STON2: variants seen among roughly 807,000 people sequenced by gnomAD.
STON2 encodes the protein stonin-2.
A neutral mutation model predicts 65.7 loss-of-function variants in STON2; 29 were observed. That is an observed-to-expected ratio of 0.44 (90% CI 0.33 to 0.60). STON2 has a LOEUF of 0.60. STON2 is among the 20% of genes least tolerant of loss of function. The pLI is 0.03. For missense variants in STON2, 1,054 were observed against 1,118.1 expected, an observed-to-expected ratio of 0.94 and a Z score of 0.82; for synonymous variants, 404 against 414.2, an observed-to-expected ratio of 0.98 and a Z score of 0.30.
intron 5 of STON2, among the ~76,000 whole-genome samples, chr14:81,282,028 T>C: frequency 6.6e-6 from 1 of 152,216 alleles, no homozygotes; most frequent in East Asian, 1.9e-4. Context: ...TGTTTTTCTA[T>C]GAAATAATTT....
chr14:81,327,857 A>G (rs1269167671), intron 4 of STON2, among the ~76,000 whole-genome samples: 1 of 152,206 alleles, frequency 6.6e-6, no homozygotes. Context: ...GGAAAACACC[A>G]TTCAGAAACC....
intron 3 of STON2, among the ~76,000 whole-genome samples, chr14:81,387,984 C>CT (rs1375142599): frequency 1.7e-5 from 2 of 119,690 alleles, no homozygotes; most frequent in African/African-American, 6.6e-5. Context: ...GAGTCTCACT[C>CT]TGTCACCCAG....
chr14:81,427,725 A>AG (rs531551380), intron 1 of STON2, among the ~76,000 whole-genome samples: 46 of 151,480 alleles, frequency 3.0e-4, no homozygotes, highest in Admixed American at 1.6e-3. Context: ...GAAAAAAAAA[A>AG]AGAGAGAGAG....
rs541120860 is a variant in STON2, at chr14:81,262,058, G to A, written c.*6356C>T. 2.3e-6 allele frequency: 3 copies of A among 1,307,134 alleles called. No homozygotes were observed. Among genetic ancestry groups the A allele is most frequent in the South Asian group, 2.5e-5 (1 of 40,482 alleles). 81.0% of individuals were successfully genotyped at this position (1,307,134 alleles called of 1,614,324 possible). ...TCTTATAAACATAGGAAGAGTCACTGAAAGGTGGCACCAATGGATATTTTG... is the reference window on the plus strand; with the variant it reads ...TCTTATAAACATAGGAAGAGTCACTAAAAGGTGGCACCAATGGATATTTTG... On this transcript the variant is annotated 3_prime_UTR_variant, in exon 8 of 8. Coordinates refer to ENST00000614646, the MANE Select transcript of STON2 (RefSeq NM_001394390.1).
intron 5 of STON2, among the ~76,000 whole-genome samples, chr14:81,309,732 A>G (rs1287021172): frequency 6.6e-6 from 1 of 152,208 alleles, no homozygotes; most frequent in Non-Finnish European, 1.5e-5. Context: ...AACAGGAACC[A>G]TTCTTTCTGT....
intron 4 of STON2, among the ~76,000 whole-genome samples, chr14:81,324,564 G>T (rs577043827): frequency 6.6e-5 from 10 of 152,194 alleles, no homozygotes; most frequent in Non-Finnish European, 1.5e-4. Context: ...CTGGGGCAGG[G>T]GTCTGGAAGA....
In STON2 at chr14:81,262,342, A is replaced by G; in HGVS notation, c.*6072T>C. On this transcript the variant is annotated 3_prime_UTR_variant, in exon 8 of 8. Coordinates refer to ENST00000614646, the MANE Select transcript of STON2 (RefSeq NM_001394390.1). ...CTCGTGTCTAGCCTTTCCTCCCTTT[A>G]GGGAAGCTGGCTGCTAACACAGCAC... 1.0e-6 allele frequency: 1 copy of G among 985,480 alleles called. No individual in the cohort carries two copies. Among genetic ancestry groups the G allele is most frequent in the Non-Finnish European group, 1.2e-6 (1 of 829,938 alleles). The allele number at this position is 985,480 out of a possible 1,614,324, so 61.0% of individuals were successfully genotyped here.
intron 5 of STON2, among the ~76,000 whole-genome samples, chr14:81,294,529 A>G (rs1036767297): frequency 2.6e-5 from 4 of 152,246 alleles, no homozygotes; most frequent in African/African-American, 9.6e-5. Context: ...ACTAAGGCCT[A>G]TTGAGATAAT....
intron 1 of STON2, among the ~76,000 whole-genome samples, chr14:81,399,480 T>C (rs986118199): frequency 2.0e-5 from 3 of 152,206 alleles, no homozygotes; most frequent in African/African-American, 7.2e-5. Flanking sequence ...AGTCTTCCAA[T>C]TGCTGCACAA....
intron 4 of STON2, among the ~76,000 whole-genome samples, chr14:81,365,127 C>T (rs1332053250): frequency 2.6e-5 from 4 of 152,162 alleles, no homozygotes; most frequent in Admixed American, 1.3e-4. Flanking sequence ...ACTGAAAATG[C>T]TATACAAACT....
chr14:81,376,512 G>A (rs1231486139), intron 3 of STON2, among the ~76,000 whole-genome samples: 1 of 152,114 alleles, frequency 6.6e-6, no homozygotes, highest in African/African-American at 2.4e-5. Flanking sequence ...GTCAGGCCAG[G>A]TGCTTTTACT....
chr14:81,290,962 C>T (rs1341319487), intron 5 of STON2, among the ~76,000 whole-genome samples: 3 of 152,116 alleles, frequency 2.0e-5, no homozygotes, highest in African/African-American at 7.2e-5. Context: ...TGGCACATAG[C>T]TCAATAAATG....
intron 2 of STON2, among the ~76,000 whole-genome samples, chr14:81,413,922 T>C (rs116595847): frequency 0.031 from 4,360 of 140,408 alleles, 1,196 homozygotes; most frequent in African/African-American, 0.12. Context: ...CTTACTGTTT[T>C]AATTTAAAAT....
intron 5 of STON2, among the ~76,000 whole-genome samples, chr14:81,303,751 G>T (rs1896062384): frequency 6.6e-6 from 1 of 152,176 alleles, no homozygotes; most frequent in Non-Finnish European, 1.5e-5. Context: ...CAGTTTATAT[G>T]TGAGGAAAAT....
At chr14:81,388,161 G>GCTGGTCTCAAACTCCTGAC (rs1899912779) in intron 3 of STON2, among the ~76,000 whole-genome samples, 1 of 151,574 alleles carries the variant, frequency 6.6e-6, no homozygotes. Flanking sequence ...TGTTGGCCAG[G>GCTGGTCTCAAACTCCTGAC]CTGGTCTCAA....
At chr14:81,361,130 A>C (rs2140339891) in intron 4 of STON2, among the ~76,000 whole-genome samples, 1 of 152,248 alleles carries the variant, frequency 6.6e-6, no homozygotes, top group South Asian at 2.1e-4. Context: ...TTTCATTAAA[A>C]TAGAAAACAA....
chr14:81,300,583 A>G (rs1895933850), intron 5 of STON2, among the ~76,000 whole-genome samples: 1 of 152,200 alleles, frequency 6.6e-6, no homozygotes, highest in Non-Finnish European at 1.5e-5. Flanking sequence ...TAGATAGCAC[A>G]TGAAAAGGTG....
chr14:81,342,447 T>C (rs934747181), intron 4 of STON2, among the ~76,000 whole-genome samples: 2 of 152,200 alleles, frequency 1.3e-5, no homozygotes, highest in South Asian at 2.1e-4. Context: ...TAATGGACTT[T>C]TGATTTCTCG....
intron 2 of STON2, among the ~76,000 whole-genome samples, chr14:81,419,601 G>A (rs1595466878): frequency 6.6e-6 from 1 of 152,096 alleles, no homozygotes; most frequent in South Asian, 2.1e-4. Flanking sequence ...ACAAGGACAG[G>A]GGATGCATGG....
Sources: gnomAD v4.1 joint callset for allele counts (sites outside exome capture counted in the v4.1 genomes callset) on GRCh38, gnomAD v4.1.1 for gene constraint, MANE v1.5 for transcripts, NCBI Gene and HGNC (gene_info 2026-07-23, HGNC 2026-07-21) for gene names.